The following FGD3 variants were observed in gnomAD, a reference collection of about 807,000 sequenced individuals.
The protein encoded by FGD3 is FYVE, RhoGEF and PH domain-containing protein 3.
A neutral mutation model predicts 71.8 loss-of-function variants in FGD3; 45 were observed. The observed-to-expected ratio is 0.63, with a 90% confidence interval of 0.49 to 0.80. The LOEUF (loss-of-function observed/expected upper bound fraction) is 0.80. FGD3 is among the 30% of genes least tolerant of loss of function. FGD3 has a pLI of 0.00. For missense variants in FGD3, 844 were observed against 951.5 expected, an observed-to-expected ratio of 0.89 and a Z score of 1.49; for synonymous variants, 378 against 392.8, an observed-to-expected ratio of 0.96 and a Z score of 0.44.
At chr9:93,004,289 A>C (rs955522334) in intron 5 of FGD3, 152 bp downstream of exon 5, 14 of 962,260 alleles carry the variant, frequency 1.5e-5, no homozygotes, top group East Asian at 7.8e-5. Context: ...TCCAGACTCC[A>C]CCCCTTCCTG....
chr9:93,004,214 C>T, intron 5 of FGD3, 77 bp downstream of exon 5: 2 of 1,569,500 alleles, frequency 1.3e-6, no homozygotes, highest in Non-Finnish European at 1.7e-6. Flanking sequence ...GAGAGCGAGG[C>T]AAGTGCTGGG....
At chr9:92,992,732 T>A (rs1860464718) in intron 3 of FGD3, among the ~76,000 whole-genome samples, 2 of 152,244 alleles carry the variant, frequency 1.3e-5, no homozygotes, top group South Asian at 4.2e-4. Flanking sequence ...GTTGCTCTGG[T>A]CTCAGGATGG....
At chr9:92,968,027 C>A (rs1310817216) in intron 1 of FGD3, among the ~76,000 whole-genome samples, 1 of 152,158 alleles carries the variant, frequency 6.6e-6, no homozygotes, top group Non-Finnish European at 1.5e-5. Context: ...CTGTTTAAGA[C>A]CCTGCTTTCA....
intron 3 of FGD3, among the ~76,000 whole-genome samples, chr9:92,978,671 CCT>C (rs1438752115): frequency 9.1e-6 from 1 of 109,364 alleles, no homozygotes; most frequent in African/African-American, 3.6e-5. Context: ...CCTCCCCTCC[CCT>C]CCCCCCTCTT....
chr9:92,971,438 T>C (rs1859522188), intron 1 of FGD3, among the ~76,000 whole-genome samples: 1 of 151,998 alleles, frequency 6.6e-6, no homozygotes, highest in African/African-American at 2.4e-5. Context: ...CCTCTCCTCA[T>C]GATCCATCAT....
At chr9:92,984,818 T>TC (rs1018802160) in intron 3 of FGD3, among the ~76,000 whole-genome samples, 3 of 151,984 alleles carry the variant, frequency 2.0e-5, no homozygotes, top group African/African-American at 7.2e-5. Context: ...TTTCTTTTTT[T>TC]TTTTTTTGGA....
At chr9:93,024,311 A>G (rs888537724) in intron 14 of FGD3, among the ~76,000 whole-genome samples, 1 of 152,184 alleles carries the variant, frequency 6.6e-6, no homozygotes, top group African/African-American at 2.4e-5. Context: ...GACAGCCCAC[A>G]CCCATGCATA....
intron 3 of FGD3, among the ~76,000 whole-genome samples, chr9:92,995,861 G>T (rs983957070): frequency 6.6e-6 from 1 of 152,172 alleles, no homozygotes; most frequent in Non-Finnish European, 1.5e-5. Flanking sequence ...TTGATGTGCT[G>T]CTGGATTCAG....
intron 3 of FGD3, among the ~76,000 whole-genome samples, chr9:92,994,096 T>C (rs921725108): frequency 4.6e-5 from 7 of 152,182 alleles, no homozygotes; most frequent in African/African-American, 1.7e-4. Flanking sequence ...TGTAAAAGCG[T>C]TCCTATTTCT....
At chr9:93,032,470 G>T in intron 15 of FGD3, 1 of 325,442 alleles carries the variant, frequency 3.1e-6, no homozygotes, top group Non-Finnish European at 5.8e-6. Flanking sequence ...CAGTGATGGG[G>T]CATCTTCCCC....
chr9:92,996,913 G>A (rs1185144472), intron 3 of FGD3, among the ~76,000 whole-genome samples: 5 of 152,160 alleles, frequency 3.3e-5, no homozygotes, highest in African/African-American at 1.2e-4. Flanking sequence ...GGTCCATTTT[G>A]GAATAAGTGT....
intron 3 of FGD3, among the ~76,000 whole-genome samples, chr9:92,990,305 G>A (rs1860358021): frequency 6.6e-6 from 1 of 152,062 alleles, no homozygotes; most frequent in South Asian, 2.1e-4. Flanking sequence ...TGGGTATGGT[G>A]GTGCGGGCAA....
chr9:93,002,248 G>T (rs549852511), intron 3 of FGD3, among the ~76,000 whole-genome samples: 1 of 152,214 alleles, frequency 6.6e-6, no homozygotes, highest in South Asian at 2.1e-4. Context: ...TGCATTTGGG[G>T]TCACTGAAAC....
At chr9:93,016,377 A>C (rs1587859710) in intron 10 of FGD3, among the ~76,000 whole-genome samples, 2 of 112,098 alleles carry the variant, frequency 1.8e-5, no homozygotes, top group Non-Finnish European at 1.7e-5. Flanking sequence ...TCTCGCTGTC[A>C]CCCAGGCTGG....
chr9:92,999,533 G>A (rs572643704), intron 3 of FGD3, among the ~76,000 whole-genome samples: 3 of 151,434 alleles, frequency 2.0e-5, no homozygotes, highest in Admixed American at 1.3e-4. Flanking sequence ...CGTCTAATGC[G>A]TCGCTTATGC....
intron 3 of FGD3, among the ~76,000 whole-genome samples, chr9:92,980,369 T>G (rs76506176): frequency 0.018 from 2,773 of 152,260 alleles, 97 homozygotes; most frequent in African/African-American, 0.063. Context: ...TTTTTTGCTC[T>G]TTTCAAAAAA....
chr9:93,024,275 C>T (rs1862039675), intron 14 of FGD3, among the ~76,000 whole-genome samples: 1 of 152,244 alleles, frequency 6.6e-6, no homozygotes, highest in Non-Finnish European at 1.5e-5. Flanking sequence ...AGTGGACACA[C>T]AATCGCAGGG....
chr9:92,956,311 C>G (rs1192913414), intron 1 of FGD3, among the ~76,000 whole-genome samples: 3 of 152,182 alleles, frequency 2.0e-5, no homozygotes, highest in Non-Finnish European at 4.4e-5. Flanking sequence ...AGCAGGCATC[C>G]TTGCCTTGTT....
chr9:92,953,315 A>T (rs1858990769), intron 1 of FGD3, among the ~76,000 whole-genome samples: 1 of 152,188 alleles, frequency 6.6e-6, no homozygotes, highest in East Asian at 1.9e-4. Flanking sequence ...AATCGCTTCC[A>T]CTTCAGGCTC....
Sources: gnomAD v4.1 joint callset for allele counts (sites outside exome capture counted in the v4.1 genomes callset) on GRCh38, gnomAD v4.1.1 for gene constraint, MANE v1.5 for transcripts, NCBI Gene and HGNC (gene_info 2026-07-23, HGNC 2026-07-21) for gene names.